Variants in NOC4L observed in about 807,000 individuals in gnomAD.
NOC4L encodes nucleolar complex protein 4 homolog.
Under a neutral mutation model 62.8 loss-of-function variants are expected in NOC4L, and 40 were observed. The observed-to-expected ratio is 0.64, with a 90% CI of 0.49 to 0.83. The LOEUF (loss-of-function observed/expected upper bound fraction) is 0.83, where lower values mean the gene tolerates loss of function less well. Ranked by LOEUF, NOC4L falls within the 40% of genes least tolerant of loss-of-function variation. NOC4L has a pLI of 0.00. For missense variants in NOC4L, 927 were observed against 701.9 expected (o/e 1.32, Z -3.62); for synonymous variants, 433 against 299.8 (o/e 1.44, Z -4.59).
chr12:132,150,769 A>G lies in NOC4L; in HGVS notation c.902-212A>G, dbSNP rs574313321. The G allele has an allele frequency of 5.6e-4, 296 of 529,714 alleles. 10 individuals are homozygous for G. The African/African-American group carries it at 6.3e-3, about 11-fold the overall frequency. 32.8% of individuals were successfully genotyped at this position (529,714 alleles called of 1,614,324 possible). Reference sequence around the variant, plus strand: ...TGCCGCCGCCTCGCTCACACCCCCAACCCCCACCCCGCAGCACCTCTTCCC... The same window carrying G: ...TGCCGCCGCCTCGCTCACACCCCCAGCCCCCACCCCGCAGCACCTCTTCCC... On this transcript the variant is annotated intron_variant, in intron 9 of 14. Transcript: ENST00000330579.
At chr12:132,151,098 G>T (rs1276029751) in intron 10 of NOC4L, 57 bp downstream of exon 10, 40 of 1,526,688 alleles carry the variant, frequency 2.6e-5, no homozygotes, top group Non-Finnish European at 3.3e-5. Context: ...CTGCTCCTCT[G>T]TCCCCTTCCC....
intron 7 of NOC4L, 39 bp downstream of exon 7, chr12:132,148,145 T>TG (rs750604130): frequency 1.9e-6 from 3 of 1,608,958 alleles, no homozygotes; most frequent in Admixed American, 3.3e-5. Context: ...CTCCCGGGTT[T>TG]GGGGGTGTGT....
At position 132,151,383 on chromosome 12, in the gene NOC4L, A is replaced by T; in HGVS notation, c.1073+15A>T. The stretch of plus-strand genomic sequence containing the variant: ...CTGTCCTCCTCGTGAGTACCAGGGC[A>T]CCTGGCTCTGCCCTGCTCTGTGCGG... On this transcript the variant is annotated intron_variant, in intron 11 of 14. Transcript: ENST00000330579. The T allele has an allele frequency of 6.2e-7, 1 of 1,606,564 alleles. No homozygotes were observed. Among genetic ancestry groups the T allele is most frequent in the South Asian group, 1.1e-5 (1 of 91,068 alleles).
intron 1 of NOC4L, 56 bp downstream of exon 1, chr12:132,144,661 G>A: frequency 6.9e-7 from 1 of 1,459,604 alleles, no homozygotes; most frequent in Non-Finnish European, 9.0e-7. Context: ...GGACTTGAAT[G>A]GGGGGCTGCG....
rs199809743 is a variant in NOC4L, at chr12:132,145,540, C to T, written c.239-19C>T. Reference sequence around the variant, plus strand: ...GTATGTGGGCCTCACGTGGGCTGACCACCCTAACCTGTCTGCAGGGTCCCA... The same window carrying T: ...GTATGTGGGCCTCACGTGGGCTGACTACCCTAACCTGTCTGCAGGGTCCCA... On this transcript the variant is annotated intron_variant, in intron 2 of 14. Transcript: ENST00000330579. 5.7e-6 allele frequency: 9 copies of T among 1,577,064 alleles called. No individual in the cohort carries two copies. In the East Asian group the frequency reaches 1.1e-4, roughly 20 times the overall value.
At position 132,151,249 on chromosome 12, in the gene NOC4L, G is replaced by C. The variant is rs746419582; in HGVS notation, c.963-9G>C. 1.9e-5 allele frequency: 31 copies of C among 1,607,166 alleles called. No individual in the cohort carries two copies. The East Asian group carries it at 6.9e-4, about 36-fold the overall frequency. ...GCTCCATCCGCTGCTCCTTCCCCCCGGCCCGCAGGGAGTACCCTGACTTCT... is the reference window on the plus strand; with the variant it reads ...GCTCCATCCGCTGCTCCTTCCCCCCCGCCCGCAGGGAGTACCCTGACTTCT... On this transcript the variant is annotated splice_polypyrimidine_tract_variant and intron_variant, in intron 10 of 14. Coordinates refer to ENST00000330579, the MANE Select transcript of NOC4L (RefSeq NM_024078.3).
At chr12:132,144,635 T>C in intron 1 of NOC4L, 30 bp downstream of exon 1, 1 of 1,470,854 alleles carries the variant, frequency 6.8e-7, no homozygotes, top group Non-Finnish European at 8.9e-7. Flanking sequence ...AGGGCCGGAG[T>C]CGCGGCACGG....
Position 132,152,159 on chromosome 12 carries a change from G to A in NOC4L, c.1393G>A (p.Val465Ile), listed in dbSNP as rs1565962412. The part of the protein sequence containing the change: ...VINQALSMPE[V>I]SIAPLLELTA... Reference sequence around the variant, plus strand: ...CAACCAGGCCCTGTCCATGCCTGAGGTCAGCATCGCGCCACTGCTGGAGCT... The same window carrying A: ...CAACCAGGCCCTGTCCATGCCTGAGATCAGCATCGCGCCACTGCTGGAGCT... The change falls in exon 14 of 15, where the codon GTC becomes ATC. Residue 465 changes from valine to isoleucine, a missense_variant. By Grantham distance (29) the Val-to-Ile change is conservative. Transcript: ENST00000330579. 1 of 1,612,348 alleles carries A rather than the reference G, an allele frequency of 6.2e-7. No individual in the cohort carries two copies.
At chr12:132,148,735 C>CCGGGGGGGGGGGG in intron 8 of NOC4L, 49 bp from the exon 9 acceptor site, 3 of 1,309,252 alleles carry the variant, frequency 2.3e-6, no homozygotes, top group Non-Finnish European at 3.1e-6. Flanking sequence ...CCCGACCCGC[C>CCGGGGGGGGGGGG]GGCCCCCGCC....
At chr12:132,151,697 G>A in intron 12 of NOC4L, 41 bp from the exon 13 acceptor site, 1 of 1,612,080 alleles carries the variant, frequency 6.2e-7, no homozygotes, top group Non-Finnish European at 8.5e-7. Context: ...GGGGTGCCTG[G>A]TGCTGTGGAC....
chr12:132,151,210 A>C, intron 10 of NOC4L, 48 bp from the exon 11 acceptor site: 1 of 1,528,332 alleles, frequency 6.5e-7, no homozygotes, highest in Non-Finnish European at 9.0e-7. Context: ...TGGAGGCCTC[A>C]GTTCCCGGGC....
At position 132,147,940 on chromosome 12, in the gene NOC4L, C is replaced by T. The variant is rs200918523; in HGVS notation, c.664C>T (p.Arg222Trp). 60 of 1,607,584 alleles carry T rather than the reference C, an allele frequency of 3.7e-5. No individual in the cohort carries two copies. Among genetic ancestry groups the T allele is most frequent in the East Asian group, 2.0e-4 (9 of 44,568 alleles). ...TLLSAVSLPRREPTVSSFYVK... is the reference protein window; with the variant it reads ...TLLSAVSLPRWEPTVSSFYVK... Reference sequence around the variant, plus strand: ...GCTGTCTGCCGTGAGCCTGCCCCGCCGGGAGCCCACCGTCTCCAGCTTCTA... The same window carrying T: ...GCTGTCTGCCGTGAGCCTGCCCCGCTGGGAGCCCACCGTCTCCAGCTTCTA... The change falls in exon 6 of 15, where the codon CGG (arginine) becomes TGG (tryptophan). Residue 222 changes from arginine (R) to tryptophan (W), a missense_variant. By Grantham distance (101) the Arg-to-Trp change is moderately radical. Coordinates refer to ENST00000330579, the MANE Select transcript of NOC4L (RefSeq NM_024078.3).
In NOC4L at chr12:132,148,533, C is replaced by T. The variant is rs577739995; in HGVS notation, c.739-76C>T. 187 of 1,499,712 alleles carry T rather than the reference C, an allele frequency of 1.2e-4. No homozygotes were observed. The Middle Eastern group carries it at 1.5e-3, about 12-fold the overall frequency. The allele number at this position is 1,499,712 out of a possible 1,614,324, so 92.9% of individuals were successfully genotyped here. ...GCTTGTGTTGGCTCAGGCTGGGCTT[C>T]GGGGTGCCCTGGCAGCTGCTCGGGC... On this transcript the variant is annotated intron_variant, in intron 7 of 14. Coordinates refer to ENST00000330579, the MANE Select transcript of NOC4L (RefSeq NM_024078.3).
At chr12:132,148,724 C>A (rs1337249932) in intron 8 of NOC4L, 60 bp from the exon 9 acceptor site, 42 of 1,393,732 alleles carry the variant, frequency 3.0e-5, no homozygotes, top group Non-Finnish European at 3.4e-5. Context: ...GGAGGCCTCA[C>A]CCCGACCCGC....
Position 132,148,813 on chromosome 12 carries a change from G to A in NOC4L, c.819G>A (p.Leu273=), listed in dbSNP as rs780240534. The A allele has an allele frequency of 1.1e-5, 18 of 1,602,182 alleles. No homozygotes were observed. The African/African-American group carries it at 1.5e-4, about 13-fold the overall frequency. ...KLPLSLYKKV[L]LIVHDAILPQ... ...CCCTCAGCCTCTACAAGAAGGTGCT[G>A]CTGATTGTGCATGACGCCATCCTGC... The change falls in exon 9 of 15, where the codon CTG becomes CTA. Residue 273 remains leucine (L), a synonymous_variant. Transcript: ENST00000330579.
chr12:132,145,034 G>T, intron 2 of NOC4L, 60 bp downstream of exon 2: 1 of 1,526,532 alleles, frequency 6.6e-7, no homozygotes. Flanking sequence ...GGGAGGCTTT[G>T]TCACCATGGG....
chr12:132,151,347 C>G lies in NOC4L; in HGVS notation c.1052C>G (p.Ala351Gly). ...TACCGCGCCCGCTTCTTCCACCTGG[C>G]TGACCTCTTCCTGTCCTCCTCGTGA... is the stretch of plus-strand genomic sequence containing the variant. ...VKYRARFFHLADLFLSSSHLP... is the reference protein window; with the variant it reads ...VKYRARFFHLGDLFLSSSHLP... The change falls in exon 11 of 15, where the codon GCT becomes GGT. Residue 351 changes from alanine (A) to glycine (G), a missense_variant. Ala to Gly is a moderately conservative substitution (Grantham distance 60). Transcript: ENST00000330579. The G allele has an allele frequency of 6.2e-7, 1 of 1,610,760 alleles. No individual in the cohort carries two copies. The highest frequency in any genetic ancestry group is 1.1e-5 in the South Asian group (1 of 91,090).
Position 132,152,326 on chromosome 12 carries a change from A to G in NOC4L, c.1476A>G (p.Pro492=), listed in dbSNP as rs1393362113. ...DLKKKGPEPV[P]LEFIPAQGLL... is the part of the protein sequence containing the mutation. ...AGAAGAAGGGGCCCGAGCCGGTGCC[A>G]CTGGAGTTTATCCCAGCCCAGGGCC... is the stretch of plus-strand genomic sequence containing the variant. The change falls in exon 15 of 15, where the codon CCA becomes CCG. Residue 492 remains proline, a synonymous_variant. Coordinates refer to ENST00000330579, the MANE Select transcript of NOC4L (RefSeq NM_024078.3). 6.4e-7 allele frequency: 1 copy of G among 1,566,972 alleles called. No individual in the cohort carries two copies. Among genetic ancestry groups the G allele is most frequent in the South Asian group, 1.2e-5 (1 of 85,932 alleles).
rs561943999 is a variant in NOC4L, at chr12:132,147,553, C to T, written c.454-80C>T. 45 of 1,548,352 alleles carry T rather than the reference C, an allele frequency of 2.9e-5. No homozygotes were observed. The Admixed American group carries it at 4.7e-4, about 16-fold the overall frequency. ...CCAGGAGGAGTCTGCCTGGGGGGCT[C>T]GATGGGGCAGGGCTGCCTGCCTGGA... is the stretch of plus-strand genomic sequence containing the variant. On this transcript the variant is annotated intron_variant, in intron 4 of 14. Transcript: ENST00000330579.
Sources: gnomAD v4.1 joint callset for allele counts on GRCh38, gnomAD v4.1.1 for gene constraint, MANE v1.5 for transcripts, NCBI Gene and HGNC (gene_info 2026-07-23, HGNC 2026-07-21) for gene names.